The following DDX10 variants were observed in gnomAD, a reference collection of about 807,000 sequenced individuals.
DDX10 encodes the protein probable ATP-dependent RNA helicase DDX10.
A neutral mutation model predicts 104.3 loss-of-function variants in DDX10; 74 were observed. That is an observed-to-expected ratio of 0.71 (90% CI 0.59 to 0.86). The LOEUF is 0.86. Ranked by LOEUF, DDX10 falls within the 40% of genes least tolerant of loss-of-function variation. The pLI, the probability that DDX10 is intolerant of heterozygous loss-of-function variation, is 0.00. For missense variants in DDX10, 952 were observed against 1,040.0 expected (o/e 0.92, Z 1.16); for synonymous variants, 351 against 353.4 (o/e 0.99, Z 0.08).
At chr11:108,816,762 C>G (rs142467791) in intron 13 of DDX10, among the ~76,000 whole-genome samples, 2,537 of 152,184 alleles carry the variant, frequency 0.017, 72 homozygotes, top group African/African-American at 0.058. Flanking sequence ...CCATGTTGGC[C>G]AGGCTGGTCT....
chr11:108,929,245 G>A (rs1223311132), intron 17 of DDX10, among the ~76,000 whole-genome samples: 1 of 152,192 alleles, frequency 6.6e-6, no homozygotes, highest in Non-Finnish European at 1.5e-5. Flanking sequence ...AAGCAGACAA[G>A]AGGTGGTGAC....
At chr11:108,731,553 C>T (rs2094312350) in intron 13 of DDX10, among the ~76,000 whole-genome samples, 1 of 149,540 alleles carries the variant, frequency 6.7e-6, no homozygotes, top group Non-Finnish European at 1.5e-5. Context: ...CTCTCTGTCA[C>T]CCAGATTGGA....
chr11:108,907,738 G>A (rs1439700203), intron 16 of DDX10, among the ~76,000 whole-genome samples: 1 of 152,128 alleles, frequency 6.6e-6, no homozygotes, highest in East Asian at 1.9e-4. Flanking sequence ...GGGTTTTCAA[G>A]TACACTTCAG....
At chr11:108,738,809 T>C (rs971497045) in intron 13 of DDX10, among the ~76,000 whole-genome samples, 1 of 152,156 alleles carries the variant, frequency 6.6e-6, no homozygotes, top group Non-Finnish European at 1.5e-5. Flanking sequence ...TGCCATACTT[T>C]CTTATGTTGC....
chr11:108,878,465 T>A (rs1187025896), intron 16 of DDX10, among the ~76,000 whole-genome samples: 1 of 152,224 alleles, frequency 6.6e-6, no homozygotes, highest in East Asian at 1.9e-4. Context: ...TGAATTATGA[T>A]TTTTATATTG....
chr11:108,931,163 C>G (rs963472625), intron 17 of DDX10, among the ~76,000 whole-genome samples: 3 of 152,164 alleles, frequency 2.0e-5, no homozygotes, highest in Non-Finnish European at 2.9e-5. Context: ...GGGGACATCT[C>G]AAGTTAAAAG....
At chr11:108,932,758 T>C (rs770733070) in intron 17 of DDX10, among the ~76,000 whole-genome samples, 5 of 152,050 alleles carry the variant, frequency 3.3e-5, no homozygotes, top group Admixed American at 6.5e-5. Context: ...TTTGGTCTTG[T>C]TTTCCATCAA....
intron 16 of DDX10, among the ~76,000 whole-genome samples, chr11:108,874,174 C>CG (rs1565305451): frequency 6.6e-6 from 1 of 151,820 alleles, no homozygotes; most frequent in Non-Finnish European, 1.5e-5. Flanking sequence ...ACTGGACTTA[C>CG]GGGAAAAAAA....
intron 16 of DDX10, among the ~76,000 whole-genome samples, chr11:108,898,681 C>T (rs1342610691): frequency 1.3e-5 from 2 of 150,620 alleles, no homozygotes; most frequent in East Asian, 1.9e-4. Flanking sequence ...AAAAAACAAG[C>T]GAGATTTCTA....
chr11:108,833,948 TTCTC>T (rs1466131485), intron 13 of DDX10, among the ~76,000 whole-genome samples: 3 of 152,108 alleles, frequency 2.0e-5, no homozygotes, highest in Non-Finnish European at 4.4e-5. Flanking sequence ...TTTACTGTAT[TTCTC>T]TCTGTCTTTC....
intron 13 of DDX10, among the ~76,000 whole-genome samples, chr11:108,811,966 C>A (rs537551219): frequency 2.0e-5 from 3 of 152,094 alleles, no homozygotes; most frequent in African/African-American, 7.2e-5. Context: ...ATATGTATTG[C>A]AGTTATACTT....
chr11:108,811,179 CT>C (rs1358290855), intron 13 of DDX10, among the ~76,000 whole-genome samples: 1 of 152,134 alleles, frequency 6.6e-6, no homozygotes, highest in Admixed American at 6.5e-5. Flanking sequence ...TGTGTGTATA[CT>C]GGGGATGACT....
intron 13 of DDX10, among the ~76,000 whole-genome samples, chr11:108,774,064 A>G (rs2094366760): frequency 6.6e-6 from 1 of 152,370 alleles, no homozygotes; most frequent in South Asian, 2.1e-4. Context: ...CAAAAAAAGC[A>G]AATTATTCCT....
At chr11:108,786,637 G>C (rs1565278089) in intron 13 of DDX10, among the ~76,000 whole-genome samples, 1 of 152,118 alleles carries the variant, frequency 6.6e-6, no homozygotes, top group East Asian at 1.9e-4. Flanking sequence ...GATTGTTATT[G>C]GTTTAAAGTC....
chr11:108,906,312 A>G (rs1407506813), intron 16 of DDX10, among the ~76,000 whole-genome samples: 4 of 152,302 alleles, frequency 2.6e-5, no homozygotes, highest in African/African-American at 7.2e-5. Context: ...GATGATGTAA[A>G]TATTTCACAT....
chr11:108,877,474 A>G (rs1863168602), intron 16 of DDX10, among the ~76,000 whole-genome samples: 2 of 152,238 alleles, frequency 1.3e-5, no homozygotes, highest in South Asian at 4.1e-4. Context: ...AATCACACTT[A>G]GAAGCCTATT....
At chr11:108,895,606 A>G (rs1233382376) in intron 16 of DDX10, among the ~76,000 whole-genome samples, 2 of 152,080 alleles carry the variant, frequency 1.3e-5, no homozygotes, top group Non-Finnish European at 2.9e-5. Context: ...TGAAAGATGT[A>G]ACTAATAATA....
intron 16 of DDX10, among the ~76,000 whole-genome samples, chr11:108,878,027 C>T (rs932702954): frequency 8.6e-5 from 13 of 151,824 alleles, no homozygotes; most frequent in South Asian, 4.2e-4. Context: ...TTCTTTCAGA[C>T]GAAGGAAGAC....
chr11:108,791,989 A>G (rs1287668480), intron 13 of DDX10, among the ~76,000 whole-genome samples: 1 of 152,200 alleles, frequency 6.6e-6, no homozygotes, highest in African/African-American at 2.4e-5. Context: ...TCGAGTGGCT[A>G]CAAAGGCTTA....
Sources: gnomAD v4.1 joint callset for allele counts (sites outside exome capture counted in the v4.1 genomes callset) on GRCh38, gnomAD v4.1.1 for gene constraint, MANE v1.5 for transcripts, NCBI Gene and HGNC (gene_info 2026-07-23, HGNC 2026-07-21) for gene names.